Variants in LAMB4 observed in about 807,000 individuals in gnomAD.
LAMB4 encodes the protein laminin subunit beta-4.
In LAMB4, 196 loss-of-function variants were observed where a neutral mutation model predicts 199.2. The observed-to-expected ratio is 0.98, with a 90% CI of 0.88 to 1.11. The LOEUF is 1.11. Among genes scored for constraint, LAMB4 ranks in the 50% least tolerant of loss-of-function variants. The pLI is 0.00. For missense variants in LAMB4, 2,080 were observed against 2,171.2 expected, an observed-to-expected ratio of 0.96 and a Z score of 0.83; for synonymous variants, 744 against 770.6, an observed-to-expected ratio of 0.97 and a Z score of 0.57.
intron 11 of LAMB4, among the ~76,000 whole-genome samples, chr7:108,096,782 A>AC (rs2150627938): frequency 6.6e-6 from 1 of 151,176 alleles, no homozygotes; most frequent in East Asian, 1.9e-4. Context: ...AAAAAAAAAA[A>AC]AAAAATTAGA....
intron 11 of LAMB4, among the ~76,000 whole-genome samples, chr7:108,095,650 G>A (rs2037568090): frequency 6.6e-6 from 1 of 152,192 alleles, no homozygotes; most frequent in South Asian, 2.1e-4. Context: ...GACCAGGCTG[G>A]TGACTCAGAG....
intron 29 of LAMB4, among the ~76,000 whole-genome samples, chr7:108,039,817 T>A (rs771859403): frequency 6.6e-6 from 1 of 152,170 alleles, no homozygotes; most frequent in Non-Finnish European, 1.5e-5. Context: ...TCATACTGAA[T>A]GGGCAAAAGC....
At chr7:108,034,872 T>C (rs1050675762) in intron 30 of LAMB4, among the ~76,000 whole-genome samples, 1 of 152,152 alleles carries the variant, frequency 6.6e-6, no homozygotes, top group African/African-American at 2.4e-5. Flanking sequence ...GTGATAACAG[T>C]CTTTCTGCAG....
chr7:108,124,260 G>A (rs551678468), intron 1 of LAMB4, among the ~76,000 whole-genome samples: 1 of 152,266 alleles, frequency 6.6e-6, no homozygotes, highest in South Asian at 2.1e-4. Context: ...CATAGTATTA[G>A]TCTGAATGTA....
Position 108,037,464 on chromosome 7 carries a change from A to G in LAMB4, c.4603T>C (p.Tyr1535His). The G allele has an allele frequency of 6.2e-7, 1 of 1,614,140 alleles. No individual in the cohort carries two copies. The highest frequency in any genetic ancestry group is 8.5e-7 in the Non-Finnish European group (1 of 1,180,016). Reference sequence around the variant, plus strand: ...TTTAACCTGTTTTCATCTGTCCTGTAATCCTCACAGAGTTGCATATGTTTC... The same window carrying G: ...TTTAACCTGTTTTCATCTGTCCTGTGATCCTCACAGAGTTGCATATGTTTC... Reference protein sequence around the residue: ...IQKHMQLCEDYRTDENRLNEE... With the variant: ...IQKHMQLCEDHRTDENRLNEE... Residue 1535 changes from tyrosine to histidine, a missense_variant, in exon 30 of 34, where the codon TAC (tyrosine) becomes CAC (histidine). Transcript: ENST00000388781.
At position 108,029,340 on chromosome 7, in the gene LAMB4, C is replaced by T. The variant is rs1017719577; in HGVS notation, c.4993-144G>A. The T allele has an allele frequency of 3.7e-5, 19 of 520,050 alleles. 1 individual carries two copies. Among genetic ancestry groups the T allele is most frequent in the South Asian group, 1.4e-4 (2 of 14,326 alleles). The allele number at this position is 520,050 out of a possible 1,614,324, so 32.2% of individuals were successfully genotyped here. A position where few individuals can be genotyped will look rare whatever the true frequency, so the allele number is the denominator to read the frequency against. On this transcript the variant is annotated intron_variant, in intron 32 of 33. Transcript: ENST00000388781. ...TACACTTGAGTTGCTCTGATATTTC[C>T]GGCAGAGTTTTATTTGCATGTTTGT...
Position 108,076,621 on chromosome 7 carries a change from G to A in LAMB4, c.2124+323C>T, listed in dbSNP as rs143686849. Among the ~76,000 whole-genome samples, 460 of 152,232 alleles carry A rather than the reference G, an allele frequency of 3.0e-3. 5 individuals carry two copies. The highest frequency in any genetic ancestry group is 0.011 in the African/African-American group (437 of 41,532). On this transcript the variant is annotated intron_variant, in intron 17 of 33. Transcript: ENST00000388781. ...CAGGGCAGGGATGTGGAAGCAGGCTGGGTGGCTCTGATTCTGGACTCCTCA... is the reference window on the plus strand; with the variant it reads ...CAGGGCAGGGATGTGGAAGCAGGCTAGGTGGCTCTGATTCTGGACTCCTCA...
At chr7:108,011,723 C>G in the LAMB4 span, among the ~76,000 whole-genome samples, 2 of 152,088 alleles carry the variant, frequency 1.3e-5, no homozygotes, top group African/African-American at 2.4e-5. Context: ...TCGGCCCACT[C>G]TCATTCTTTA....
chr7:108,023,183 A>G (rs1266548567), downstream of LAMB4, among the ~76,000 whole-genome samples: 5 of 152,168 alleles, frequency 3.3e-5, no homozygotes, highest in South Asian at 2.1e-4. Flanking sequence ...TCATTTATCA[A>G]TGTTGATGTA....
At chr7:108,109,744 C>T (rs2038151041) in intron 4 of LAMB4, among the ~76,000 whole-genome samples, 2 of 152,130 alleles carry the variant, frequency 1.3e-5, no homozygotes, top group Non-Finnish European at 2.9e-5. Flanking sequence ...CTGTGGGCTC[C>T]TCTGTGGCTG....
At chr7:108,063,016 C>A in intron 22 of LAMB4, 22 bp from the exon 23 acceptor site, 1 of 1,489,512 alleles carries the variant, frequency 6.7e-7, no homozygotes, top group Non-Finnish European at 9.1e-7. Flanking sequence ...AAACCATCAT[C>A]AGAGGTAAAT....
chr7:108,037,591 T>C lies in LAMB4; in HGVS notation c.4476A>G (p.Glu1492=). Residue 1492 remains glutamate, a synonymous_variant, in exon 30 of 34, where the codon GAA becomes GAG. Coordinates refer to ENST00000388781, the MANE Select transcript of LAMB4 (RefSeq NM_007356.3). The stretch of plus-strand genomic sequence containing the variant: ...TCTCGATGTCTTCTGGAGGCACGTT[T>C]TCCTCTTAAATAAGAAGCAGGGTTT... ...IKKVKNFLLE[E]NVPPEDIEKV... is the part of the protein sequence containing the mutation. 6.2e-7 allele frequency: 1 copy of C among 1,613,592 alleles called. No individual in the cohort carries two copies. Among genetic ancestry groups the C allele is most frequent in the Non-Finnish European group, 8.5e-7 (1 of 1,179,564 alleles).
intron 17 of LAMB4, among the ~76,000 whole-genome samples, chr7:108,074,314 A>T (rs1344849673): frequency 6.6e-6 from 1 of 152,172 alleles, no homozygotes; most frequent in East Asian, 1.9e-4. Context: ...GGTTTTCCAT[A>T]GTTATATGTA....
intron 11 of LAMB4, among the ~76,000 whole-genome samples, chr7:108,097,215 T>C (rs984414186): frequency 6.6e-6 from 1 of 152,196 alleles, no homozygotes; most frequent in Non-Finnish European, 1.5e-5. Flanking sequence ...CAGTTCCTTA[T>C]ATGGGCAAAA....
At chr7:108,043,303 A>G (rs1479705389) in intron 29 of LAMB4, among the ~76,000 whole-genome samples, 1 of 152,106 alleles carries the variant, frequency 6.6e-6, no homozygotes, top group African/African-American at 2.4e-5. Context: ...TAGAATTGTC[A>G]TGTTGAACTT....
intron 19 of LAMB4, 69 bp from the exon 20 acceptor site, chr7:108,066,669 T>C (rs947531389): frequency 9.9e-7 from 1 of 1,009,576 alleles, no homozygotes; most frequent in African/African-American, 1.6e-5. Context: ...GAGTTACAGT[T>C]CTGGTGTCTC....
At chr7:108,092,887 G>C (rs1469759064) in intron 12 of LAMB4, among the ~76,000 whole-genome samples, 1 of 152,100 alleles carries the variant, frequency 6.6e-6, no homozygotes, top group Non-Finnish European at 1.5e-5. Context: ...CTGGATGACA[G>C]AGTGACACTC....
chr7:108,079,660 C>T lies in LAMB4; in HGVS notation c.1828G>A (p.Ala610Thr). Reference sequence around the variant, plus strand: ...ACAGGAAAGGGAATGTTGTTGACAGCAAATCTCAAGCCAGCCCCAGGGAGA... The same window carrying T: ...ACAGGAAAGGGAATGTTGTTGACAGTAAATCTCAAGCCAGCCCCAGGGAGA... The part of the protein sequence containing the change: ...RVLPGAGLRF[A>T]VNNIPFPVDF... The change falls in exon 15 of 34, where the codon GCT becomes ACT. Residue 610 changes from alanine to threonine, a missense_variant. Physicochemically the swap from Ala to Thr is moderately conservative, Grantham distance 58 (BLOSUM62 0). Coordinates refer to ENST00000388781, the MANE Select transcript of LAMB4 (RefSeq NM_007356.3). The T allele has an allele frequency of 6.2e-7, 1 of 1,613,040 alleles. No individual in the cohort carries two copies. Among genetic ancestry groups the T allele is most frequent in the Non-Finnish European group, 8.5e-7 (1 of 1,179,648 alleles).
At chr7:108,090,492 A>G (rs1415546089) in intron 14 of LAMB4, among the ~76,000 whole-genome samples, 1 of 152,070 alleles carries the variant, frequency 6.6e-6, no homozygotes. Context: ...ATCATGCATG[A>G]TATAACCCCC....
Sources: allele counts gnomAD v4.1 joint callset (sites outside exome capture counted in the v4.1 genomes callset), GRCh38; gene constraint gnomAD v4.1.1; transcripts MANE v1.5; gene names NCBI Gene and HGNC (gene_info 2026-07-23, HGNC 2026-07-21).